Variants in GPR160 observed in about 807,000 individuals in gnomAD.
GPR160 encodes the protein probable G protein-coupled receptor 160.
A neutral mutation model predicts 2.6 loss-of-function variants in GPR160; 2 were observed. The ratio of observed to expected loss-of-function variants is 0.77; its 90% confidence interval spans 0.32 to 2.44. The LOEUF (loss-of-function observed/expected upper bound fraction) is 2.44. Among genes scored for constraint, GPR160 ranks in the 30% most tolerant of loss-of-function variants. The pLI, the probability that GPR160 is intolerant of heterozygous loss-of-function variation, is 0.11. For missense variants in GPR160, 351 were observed against 383.6 expected, an observed-to-expected ratio of 0.91 and a Z score of 0.71; for synonymous variants, 130 against 132.2, an observed-to-expected ratio of 0.98 and a Z score of 0.12.
intron 2 of GPR160, among the ~76,000 whole-genome samples, chr3:170,045,447 A>AAAAAC (rs71176546): frequency 8.5e-6 from 1 of 117,352 alleles, no homozygotes; most frequent in Non-Finnish European, 1.7e-5. Flanking sequence ...AAAAAAAAAA[A>AAAAAC]CCAATTAGCC....
chr3:170,075,055 C>T (rs1420909880), intron 2 of GPR160, among the ~76,000 whole-genome samples: 1 of 152,016 alleles, frequency 6.6e-6, no homozygotes, highest in African/African-American at 2.4e-5. Flanking sequence ...GTGGAAACCC[C>T]ATCTCTACTA....
intron 2 of GPR160, among the ~76,000 whole-genome samples, chr3:170,052,108 G>A (rs1716981594): frequency 6.6e-6 from 1 of 152,126 alleles, no homozygotes; most frequent in South Asian, 2.1e-4. Flanking sequence ...GTATTTTTAG[G>A]AGAGACGTGG....
chr3:170,060,799 G>C (rs1013128781), intron 2 of GPR160, among the ~76,000 whole-genome samples: 7 of 151,996 alleles, frequency 4.6e-5, no homozygotes, highest in African/African-American at 1.7e-4. Flanking sequence ...AAAAGAAAAA[G>C]AAATATGGCA....
At chr3:170,078,757 G>A (rs1712986218) in intron 2 of GPR160, among the ~76,000 whole-genome samples, 1 of 152,132 alleles carries the variant, frequency 6.6e-6, no homozygotes, top group Admixed American at 6.5e-5. Context: ...TGTAACTACT[G>A]CGCCTGTCAA....
At chr3:170,078,982 G>A (rs1190446012) in intron 2 of GPR160, among the ~76,000 whole-genome samples, 4 of 152,228 alleles carry the variant, frequency 2.6e-5, no homozygotes, top group African/African-American at 9.6e-5. Flanking sequence ...ACAAGGACGT[G>A]TAGGGGAATT....
intron 2 of GPR160, among the ~76,000 whole-genome samples, chr3:170,054,695 A>G (rs946908667): frequency 6.6e-6 from 1 of 151,860 alleles, no homozygotes; most frequent in African/African-American, 2.4e-5. Flanking sequence ...GGTACCTCAT[A>G]TATATGGGAT....
Position 170,084,634 on chromosome 3 carries a change from T to C in GPR160, c.662T>C (p.Ile221Thr). Residue 221 changes from isoleucine to threonine, a missense_variant, in exon 4 of 4, where the codon ATC becomes ACC. Ile to Thr is a moderately conservative substitution (Grantham distance 89). Transcript: ENST00000355897. ...ATAACTTCCTATATGAATGAAACTA[T>C]CTTATATTTTCCTTTTTCATCCCAC... ...IRITSYMNET[I>T]LYFPFSSHSS... 1 of 1,611,112 alleles carries C rather than the reference T, an allele frequency of 6.2e-7. No individual in the cohort carries two copies. The highest frequency in any genetic ancestry group is 1.1e-5 in the South Asian group (1 of 91,006).
rs981333786 is a variant in GPR160, at chr3:170,038,851, T to G, written c.-321-64T>G. On this transcript the variant is annotated intron_variant, in intron 1 of 3. Transcript: ENST00000355897. This position sits in a 1 kb window ranked among gnomAD's most constrained non-coding sequence, Gnocchi z 5.3. ...CCATCCTGGCTGGCTCAAAATTCCC[T>G]CTAGATTACCTGCGACCACCCCCAG... 6.6e-6 allele frequency: 1 copy of G among 151,918 alleles called. No homozygotes were observed. The highest frequency in any genetic ancestry group is 1.5e-5 in the Non-Finnish European group (1 of 67,990). The allele number at this position is 151,918 out of a possible 1,614,324, so 9.4% of individuals were successfully genotyped here.
In GPR160 at chr3:170,085,024, C is replaced by CATA; in HGVS notation, c.*38_*40dup. On this transcript the variant is annotated 3_prime_UTR_variant, in exon 4 of 4. Coordinates refer to ENST00000355897, the MANE Select transcript of GPR160 (RefSeq NM_014373.3). ...TTAAAAGTTACAGCTGTCATAAGAT[C>CATA]ATAATTTTATGAACAGAAAGAACTC... 1.7e-6 allele frequency: 2 copies of CATA among 1,150,398 alleles called. No homozygotes were observed. Among genetic ancestry groups the CATA allele is most frequent in the Non-Finnish European group, 2.4e-6 (2 of 827,890 alleles). The allele number at this position is 1,150,398 out of a possible 1,614,324, so 71.3% of individuals were successfully genotyped here. A position where few individuals can be genotyped will look rare whatever the true frequency, so the allele number is the denominator to read the frequency against.
rs556322015 is a variant in GPR160 at position 170,085,093 on chromosome 3, CCT to C, written c.*105_*106del. On this transcript the variant is annotated 3_prime_UTR_variant, in exon 4 of 4. Coordinates refer to ENST00000355897, the MANE Select transcript of GPR160 (RefSeq NM_014373.3). The stretch of plus-strand genomic sequence containing the variant: ...AACTGAACTAAAACAACTTTTGCCC[CCT>C]GACTGATAGCATTTCAGAATGTGTC... The C allele has an allele frequency of 1.1e-3, 558 of 524,910 alleles. No individual in the cohort carries two copies. The highest frequency in any genetic ancestry group is 1.5e-3 in the Admixed American group (40 of 25,952). The allele number at this position is 524,910 out of a possible 1,614,324, so 32.5% of individuals were successfully genotyped here.
At chr3:170,059,660 T>C (rs927595118) in intron 2 of GPR160, among the ~76,000 whole-genome samples, 3 of 151,928 alleles carry the variant, frequency 2.0e-5, no homozygotes, top group Non-Finnish European at 4.4e-5. Context: ...AATTTGCTAT[T>C]AGTGTGGCTT....
intron 2 of GPR160, among the ~76,000 whole-genome samples, chr3:170,070,241 A>G (rs1712527309): frequency 6.6e-6 from 1 of 152,224 alleles, no homozygotes; most frequent in Non-Finnish European, 1.5e-5. Flanking sequence ...GAAACAATTT[A>G]TTGAAGTAAC....
At chr3:170,072,872 G>C (rs927990645) in intron 2 of GPR160, among the ~76,000 whole-genome samples, 7 of 152,122 alleles carry the variant, frequency 4.6e-5, no homozygotes, top group African/African-American at 1.7e-4. Context: ...AATATCATGA[G>C]CCATTCAGTT....
chr3:170,080,584 A>G (rs1713073197), intron 3 of GPR160, among the ~76,000 whole-genome samples: 1 of 151,966 alleles, frequency 6.6e-6, no homozygotes, highest in African/African-American at 2.4e-5. Flanking sequence ...CCCCTAGGAG[A>G]CACAAGCGTC....
At chr3:170,051,480 T>G (rs1716955851) in intron 2 of GPR160, among the ~76,000 whole-genome samples, 1 of 152,182 alleles carries the variant, frequency 6.6e-6, no homozygotes, top group Non-Finnish European at 1.5e-5. Context: ...ATCTCAGCAC[T>G]TTGGGAGGCC....
At chr3:170,065,928 C>CT (rs1044926119) in intron 2 of GPR160, among the ~76,000 whole-genome samples, 142 of 148,016 alleles carry the variant, frequency 9.6e-4, no homozygotes, top group African/African-American at 2.7e-3. Flanking sequence ...CTGTCTTTAA[C>CT]TTTTTTTTTT....
chr3:170,084,786 T>C lies in GPR160; in HGVS notation c.814T>C (p.Tyr272His), dbSNP rs1288560804. Residue 272 changes from tyrosine (Y) to histidine (H), a missense_variant, in exon 4 of 4, where the codon TAT becomes CAT. Physicochemically the swap from Tyr to His is moderately conservative, Grantham distance 83 (BLOSUM62 2). Transcript: ENST00000355897. ...IVLLKVQIPAYIEMNIPWLYF... is the reference protein window; with the variant it reads ...IVLLKVQIPAHIEMNIPWLYF... Reference sequence around the variant, plus strand: ...TTTACTTAAAGTTCAGATTCCAGCATATATTGAGATGAATATTCCCTGGTT... The same window carrying C: ...TTTACTTAAAGTTCAGATTCCAGCACATATTGAGATGAATATTCCCTGGTT... 1.2e-6 allele frequency: 2 copies of C among 1,602,942 alleles called. No individual in the cohort carries two copies. Among genetic ancestry groups the C allele is most frequent in the South Asian group, 1.1e-5 (1 of 90,722 alleles).
chr3:170,084,156 C>A lies in GPR160; in HGVS notation c.184C>A (p.Leu62Ile). Residue 62 changes from leucine (L) to isoleucine (I), a missense_variant, in exon 4 of 4, where the codon CTA (leucine) becomes ATA (isoleucine). Leu to Ile is a conservative substitution (Grantham distance 5). Transcript: ENST00000355897. ...TTTTATGGAATATTTTTGCATTTCA[C>A]TAGCATTCGTTGATCTTTTACTTTT... ...QNFMEYFCIS[L>I]AFVDLLLLVN... The A allele has an allele frequency of 6.3e-7, 1 of 1,593,034 alleles. No homozygotes were observed.
At chr3:170,052,457 A>C (rs761043982) in intron 2 of GPR160, among the ~76,000 whole-genome samples, 1 of 152,220 alleles carries the variant, frequency 6.6e-6, no homozygotes, top group Non-Finnish European at 1.5e-5. Flanking sequence ...TTGTCATTTT[A>C]ATTAGCTTTA....
Sources: gnomAD v4.1 joint callset for allele counts (sites outside exome capture counted in the v4.1 genomes callset) on GRCh38, gnomAD v4.1.1 for gene constraint, Gnocchi (gnomAD v3.1) non-coding constraint, MANE v1.5 for transcripts, NCBI Gene and HGNC (gene_info 2026-07-23, HGNC 2026-07-21) for gene names.